The following NKAIN2 variants were observed in gnomAD, a reference collection of about 807,000 sequenced individuals.
NKAIN2 encodes sodium/potassium transporting ATPase interacting 2.
Under a neutral mutation model 32.6 loss-of-function variants are expected in NKAIN2, and 14 were observed. The ratio of observed to expected loss-of-function variants is 0.43; its 90% CI spans 0.28 to 0.67. The LOEUF is 0.67. Among genes scored for constraint, NKAIN2 ranks in the 30% least tolerant of loss-of-function variants. NKAIN2 has a pLI of 0.17. For synonymous variants in NKAIN2, 80 were observed against 87.2 expected (o/e 0.92, Z 0.46); for missense variants, 198 against 258.3 (o/e 0.77, Z 1.60).
At chr6:123,892,579 A>G (rs1774073247) in intron 1 of NKAIN2, among the ~76,000 whole-genome samples, 1 of 151,996 alleles carries the variant, frequency 6.6e-6, no homozygotes, top group Admixed American at 6.5e-5. Flanking sequence ...TTATAATTCA[A>G]AATGAGATTT....
intron 1 of NKAIN2, among the ~76,000 whole-genome samples, chr6:124,019,721 T>A (rs2114756599): frequency 6.6e-6 from 1 of 152,238 alleles, no homozygotes; most frequent in East Asian, 1.9e-4. Flanking sequence ...GCATCTCAAT[T>A]ATGGAAACTT....
intron 3 of NKAIN2, among the ~76,000 whole-genome samples, chr6:124,571,879 A>G (rs1311193303): frequency 6.6e-6 from 1 of 152,154 alleles, no homozygotes; most frequent in Admixed American, 6.5e-5. Flanking sequence ...CACTCCCACA[A>G]GCTACTGACT....
At chr6:123,917,240 GTT>G (rs753108575) in intron 1 of NKAIN2, among the ~76,000 whole-genome samples, 13 of 146,008 alleles carry the variant, frequency 8.9e-5, no homozygotes, top group African/African-American at 3.0e-4. Flanking sequence ...GATTTTATCT[GTT>G]TTTTTTTTTA....
At chr6:124,248,848 G>A (rs1248023758) in intron 1 of NKAIN2, among the ~76,000 whole-genome samples, 1 of 152,094 alleles carries the variant, frequency 6.6e-6, no homozygotes, top group Non-Finnish European at 1.5e-5. Context: ...ACATCAGTGT[G>A]CTAACACAGG....
intron 4 of NKAIN2, among the ~76,000 whole-genome samples, chr6:124,685,562 AT>A (rs1311517042): frequency 1.3e-5 from 2 of 152,206 alleles, no homozygotes; most frequent in Admixed American, 1.3e-4. Context: ...AAAAGTGATT[AT>A]CTTTGTGTCT....
chr6:123,929,238 G>C (rs996109674), intron 1 of NKAIN2, among the ~76,000 whole-genome samples: 3 of 152,144 alleles, frequency 2.0e-5, no homozygotes, highest in African/African-American at 7.2e-5. Flanking sequence ...ATTAGTAACT[G>C]CATGATTGAT....
chr6:124,407,302 G>A (rs912837083), intron 3 of NKAIN2, among the ~76,000 whole-genome samples: 40 of 151,606 alleles, frequency 2.6e-4, no homozygotes, highest in African/African-American at 8.2e-4. Context: ...CCATTAACTC[G>A]TCATTTAGCA....
chr6:123,901,687 A>G (rs1048820597), intron 1 of NKAIN2, among the ~76,000 whole-genome samples: 2 of 152,178 alleles, frequency 1.3e-5, no homozygotes, highest in Non-Finnish European at 2.9e-5. Context: ...ACTTTGAAAC[A>G]TCACTCAGTT....
chr6:124,079,390 G>T (rs997640552), intron 1 of NKAIN2, among the ~76,000 whole-genome samples: 1 of 152,088 alleles, frequency 6.6e-6, no homozygotes, highest in African/African-American at 2.4e-5. Context: ...CAGAATTGGT[G>T]AAAGATTATT....
intron 3 of NKAIN2, among the ~76,000 whole-genome samples, chr6:124,379,027 G>C (rs117548030): frequency 6.8e-6 from 1 of 147,564 alleles, no homozygotes; most frequent in Non-Finnish European, 1.5e-5. Context: ...AGGAGTTTGA[G>C]GTTGCAGTGA....
intron 1 of NKAIN2, among the ~76,000 whole-genome samples, chr6:124,175,074 A>G (rs1410865381): frequency 6.6e-6 from 1 of 152,196 alleles, no homozygotes. Context: ...TAATAAATAG[A>G]AAGTGTGTTT....
chr6:124,296,018 A>G (rs1000692300), intron 2 of NKAIN2, among the ~76,000 whole-genome samples: 2 of 152,152 alleles, frequency 1.3e-5, no homozygotes, highest in African/African-American at 2.4e-5. Flanking sequence ...TGTATAAAGA[A>G]CAGCATAATT....
At chr6:124,190,116 C>A (rs1306943391) in intron 1 of NKAIN2, among the ~76,000 whole-genome samples, 1 of 152,134 alleles carries the variant, frequency 6.6e-6, no homozygotes. Context: ...AGACCTTGGC[C>A]CATAGACAGG....
chr6:123,896,172 G>GA (rs1402447481), intron 1 of NKAIN2, among the ~76,000 whole-genome samples: 6 of 152,232 alleles, frequency 3.9e-5, no homozygotes, highest in Non-Finnish European at 8.8e-5. Flanking sequence ...ATGAAATGGA[G>GA]AAAGAACTGA....
intron 4 of NKAIN2, among the ~76,000 whole-genome samples, chr6:124,660,294 T>A (rs962163264): frequency 1.8e-4 from 27 of 152,204 alleles, no homozygotes; most frequent in African/African-American, 6.0e-4. Context: ...TATGACTATT[T>A]ATAGAGTTTT....
intron 3 of NKAIN2, among the ~76,000 whole-genome samples, chr6:124,629,957 GGGTAGC>G (rs1783499788): frequency 6.6e-6 from 1 of 152,120 alleles, no homozygotes; most frequent in Non-Finnish European, 1.5e-5. Context: ...GAAAGTGGTT[GGGTAGC>G]GAAGGACTAC....
At chr6:124,320,173 A>C (rs1320246177) in intron 2 of NKAIN2, among the ~76,000 whole-genome samples, 2 of 152,134 alleles carry the variant, frequency 1.3e-5, no homozygotes, top group African/African-American at 2.4e-5. Context: ...ACATTTGGAT[A>C]TATTCCCATT....
At position 124,177,822 on chromosome 6, in the gene NKAIN2, C is replaced by T. The variant is rs1260208159; in HGVS notation, c.55-105183C>T. 1.2e-3 allele frequency among the ~76,000 whole-genome samples: 2 copies of T among 1,684 alleles called. 1 individual carries two copies. Among genetic ancestry groups the T allele is most frequent in the African/African-American group, 2.6e-3 (2 of 772 alleles). The allele number at this position is 1,684 out of a possible 152,430, so 1.1% of individuals were successfully genotyped here. On this transcript the variant is annotated intron_variant, in intron 1 of 6. Transcript: ENST00000368417. ...TTTTTGAGACGGAGTCTCGCTCTGT[C>T]GCCCAGGCTGGAGTGCAGTGGCGGG... is the stretch of plus-strand genomic sequence containing the variant.
chr6:124,155,560 G>A (rs802261), intron 1 of NKAIN2, among the ~76,000 whole-genome samples: 120,602 of 151,776 alleles, frequency 0.79, 49,194 homozygotes, highest in South Asian at 0.89. Context: ...TCTTATTTAG[G>A]ATAGATGATG....
Sources: gnomAD v4.1 joint callset for allele counts (sites outside exome capture counted in the v4.1 genomes callset) on GRCh38, gnomAD v4.1.1 for gene constraint, MANE v1.5 for transcripts, NCBI Gene and HGNC (gene_info 2026-07-23, HGNC 2026-07-21) for gene names.